ARHGEF11: variants seen among roughly 807,000 people sequenced by gnomAD.
The protein encoded by ARHGEF11 is Rho guanine nucleotide exchange factor 11.
Under a neutral mutation model 193.7 loss-of-function variants are expected in ARHGEF11, and 55 were observed. The ratio of observed to expected loss-of-function variants is 0.28; its 90% CI spans 0.23 to 0.36. ARHGEF11 has a LOEUF of 0.36. Among genes scored for constraint, ARHGEF11 ranks in the 10% least tolerant of loss-of-function variants. ARHGEF11 has a pLI of 1.00. For synonymous variants in ARHGEF11, 693 were observed against 768.0 expected (o/e 0.90, Z 1.62); for missense variants, 1,723 against 2,005.6 (o/e 0.86, Z 2.69).
At chr1:157,001,230 C>G (rs1308745759) in intron 1 of ARHGEF11, among the ~76,000 whole-genome samples, 5 of 152,152 alleles carry the variant, frequency 3.3e-5, no homozygotes, top group African/African-American at 1.2e-4. Flanking sequence ...AGACTTACAT[C>G]TTCTATTTTT....
At chr1:157,018,026 CA>C (rs1311975690) in intron 1 of ARHGEF11, among the ~76,000 whole-genome samples, 1 of 151,934 alleles carries the variant, frequency 6.6e-6, no homozygotes, top group Admixed American at 6.5e-5. Flanking sequence ...ATATAAAAAT[CA>C]AGTATGTTTA....
chr1:157,006,512 C>G (rs1481035258), intron 1 of ARHGEF11, among the ~76,000 whole-genome samples: 1 of 152,084 alleles, frequency 6.6e-6, no homozygotes, highest in African/African-American at 2.4e-5. Flanking sequence ...TGGGTAGAAT[C>G]TAGTTTCTCT....
chr1:157,028,576 T>C (rs939788916), intron 1 of ARHGEF11, among the ~76,000 whole-genome samples: 3 of 152,086 alleles, frequency 2.0e-5, no homozygotes, highest in Admixed American at 2.0e-4. Context: ...TTTGAATCGA[T>C]CTCAGAGATC....
At chr1:156,989,028 T>A (rs1178172716) in intron 1 of ARHGEF11, among the ~76,000 whole-genome samples, 1 of 152,108 alleles carries the variant, frequency 6.6e-6, no homozygotes, top group Non-Finnish European at 1.5e-5. Context: ...ATGGAGGCTG[T>A]CATAGATAGA....
Position 156,947,809 on chromosome 1 carries a change from C to T in ARHGEF11, c.2301G>A (p.Gly767=), listed in dbSNP as rs1658422309. 1.2e-6 allele frequency: 2 copies of T among 1,613,778 alleles called. No individual in the cohort carries two copies. The highest frequency in any genetic ancestry group is 1.7e-6 in the Non-Finnish European group (2 of 1,180,000). ...GCCGGTCAATCTCCCGCTGGGTTAG[C>T]CCAGCCACCACATCCTTGCCCACTG... ...QHTVGKDVVA[G]LTQREIDRQE... Residue 767 remains glycine, a synonymous_variant, in exon 25 of 41, where the codon GGG becomes GGA. Transcript: ENST00000368194.
At chr1:156,998,150 G>T (rs1360528508) in intron 1 of ARHGEF11, among the ~76,000 whole-genome samples, 2 of 152,164 alleles carry the variant, frequency 1.3e-5, no homozygotes, top group Non-Finnish European at 2.9e-5. Flanking sequence ...AGAGTAAAGA[G>T]GCACAACTGT....
intron 22 of ARHGEF11, chr1:156,949,208 C>T (rs1658701700): frequency 1.5e-6 from 1 of 671,442 alleles, no homozygotes; most frequent in African/African-American, 2.0e-5. Context: ...GGACCCGCTC[C>T]TTGGCCTGCC....
At chr1:157,028,233 T>C (rs1285458561) in intron 1 of ARHGEF11, among the ~76,000 whole-genome samples, 1 of 152,212 alleles carries the variant, frequency 6.6e-6, no homozygotes, top group Non-Finnish European at 1.5e-5. Flanking sequence ...ATCCAGGGGA[T>C]GGGGAGCTGG....
At position 157,044,432 on chromosome 1, in the gene ARHGEF11, C is replaced by A; in HGVS notation, c.-102G>T. ...TGAGCAAGGTGAGAGGAGGGCCTCC[C>A]AACTTGAAGATAGAATCCTTTCTCC... is the stretch of plus-strand genomic sequence containing the variant. On this transcript the variant is annotated 5_prime_UTR_variant, in exon 1 of 41. Coordinates refer to ENST00000368194, the MANE Select transcript of ARHGEF11 (RefSeq NM_198236.3). 1 of 1,070,766 alleles carries A rather than the reference C, an allele frequency of 9.3e-7. No homozygotes were observed. Among genetic ancestry groups the A allele is most frequent in the Non-Finnish European group, 1.4e-6 (1 of 689,714 alleles). 66.3% of individuals were successfully genotyped at this position (1,070,766 alleles called of 1,614,324 possible).
rs1050121606 is a variant in ARHGEF11 at position 156,969,353 on chromosome 1, G to T, written c.754C>A (p.Leu252Ile). The change falls in exon 10 of 41, where the codon CTC (leucine) becomes ATC (isoleucine). Residue 252 changes from leucine to isoleucine, a missense_variant. Coordinates refer to ENST00000368194, the MANE Select transcript of ARHGEF11 (RefSeq NM_198236.3). ...TCCCCCTCCTGGGAATCCAGAGAGA[G>T]CCGGCCTGAGAAGAAAATAGTTTCT... ...DTSQRPSEGR[L>I]SLDSQEGDSG... The T allele has an allele frequency of 6.2e-7, 1 of 1,606,696 alleles. No individual in the cohort carries two copies.
chr1:157,036,142 T>C (rs1672001039), intron 1 of ARHGEF11, among the ~76,000 whole-genome samples: 1 of 142,174 alleles, frequency 7.0e-6, no homozygotes, highest in Non-Finnish European at 1.5e-5. Flanking sequence ...TATATATGAA[T>C]ATATGAATAC....
In ARHGEF11 at chr1:156,941,876, G is replaced by T; in HGVS notation, c.3440C>A (p.Pro1147His). 6.2e-7 allele frequency: 1 copy of T among 1,610,660 alleles called. No individual in the cohort carries two copies. The highest frequency in any genetic ancestry group is 8.5e-7 in the Non-Finnish European group (1 of 1,178,358). Residue 1147 changes from proline (P) to histidine (H), a missense_variant, in exon 34 of 41, where the codon CCC becomes CAC. Pro to His is a moderately conservative substitution (Grantham distance 77). Around this residue, in one of 5 missense-constraint regions of ARHGEF11, gnomAD observed 203 missense variants for 237.3 expected, o/e 0.86. Transcript: ENST00000368194. ...CTAAGCACTGCACCTGCTGGGTGTGGGGCCCTGCTGGGCTGGCTCCCGGGG... is the reference window on the plus strand; with the variant it reads ...CTAAGCACTGCACCTGCTGGGTGTGTGGCCCTGCTGGGCTGGCTCCCGGGG... The part of the protein sequence containing the change: ...PGPREPAQQG[P>H]TPSRVELDDS...
chr1:157,032,072 A>G (rs1671375719), intron 1 of ARHGEF11, among the ~76,000 whole-genome samples: 1 of 152,222 alleles, frequency 6.6e-6, no homozygotes, highest in Non-Finnish European at 1.5e-5. Flanking sequence ...TCTCTTATGT[A>G]TGACTCTTCT....
rs372871677 is a variant in ARHGEF11, at chr1:156,960,351, A to G, written c.1282+67T>C. ...GGACTATGTCCCTTCTGTCCTCTGG[A>G]GCCTCCTGAGAGCTCAGGACAAGAA... On this transcript the variant is annotated intron_variant, in intron 15 of 40. Coordinates refer to ENST00000368194, the MANE Select transcript of ARHGEF11 (RefSeq NM_198236.3). 6 of 1,509,120 alleles carry G rather than the reference A, an allele frequency of 4.0e-6. No homozygotes were observed. The East Asian group carries it at 9.0e-5, about 23-fold the overall frequency. 93.5% of individuals were successfully genotyped at this position (1,509,120 alleles called of 1,614,324 possible).
At chr1:156,963,124 G>T in intron 13 of ARHGEF11, 79 bp downstream of exon 13, 1 of 1,116,024 alleles carries the variant, frequency 9.0e-7, no homozygotes, top group Non-Finnish European at 1.3e-6. Flanking sequence ...GTAACAGCCA[G>T]GGAGCAGAAA....
rs1019543138 is a variant in ARHGEF11 at position 156,955,745 on chromosome 1, T to C, written c.1726A>G (p.Ile576Val). 4.3e-6 allele frequency: 7 copies of C among 1,614,214 alleles called. No homozygotes were observed. Among genetic ancestry groups the C allele is most frequent in the Non-Finnish European group, 5.9e-6 (7 of 1,180,024 alleles). ...DALEDKKRNPILKYIGKPKSS... is the reference protein window; with the variant it reads ...DALEDKKRNPVLKYIGKPKSS... The stretch of plus-strand genomic sequence containing the variant: ...TTGGGCTTCCCAATGTATTTGAGGA[T>C]AGGGTTTCGCTTCTTGTCCTCCAAG... Residue 576 changes from isoleucine (I) to valine (V), a missense_variant, in exon 20 of 41, where the codon ATC (isoleucine) becomes GTC (valine). This residue lies in a region of ARHGEF11 where 491 missense variants were observed against 654.5 expected (regional missense o/e 0.75). Transcript: ENST00000368194.
chr1:156,943,065 C>CTTTTTTTT (rs112741222), intron 32 of ARHGEF11, among the ~76,000 whole-genome samples: 27,948 of 139,364 alleles, frequency 0.2, 3,348 homozygotes, highest in African/African-American at 0.31. Flanking sequence ...AGTTATAAAA[C>CTTTTTTTT]TTTTTTTTTT....
intron 22 of ARHGEF11, among the ~76,000 whole-genome samples, chr1:156,950,305 A>C (rs1415827988): frequency 6.6e-6 from 1 of 152,168 alleles, no homozygotes; most frequent in East Asian, 1.9e-4. Flanking sequence ...GCATTCAAGC[A>C]GGAAAGGTTG....
chr1:157,005,354 T>C (rs568852958), intron 1 of ARHGEF11, among the ~76,000 whole-genome samples: 9 of 152,300 alleles, frequency 5.9e-5, no homozygotes, highest in East Asian at 5.8e-4. Flanking sequence ...GAATCACCTC[T>C]AGGGACTTTC....
Sources: allele counts gnomAD v4.1 joint callset (sites outside exome capture counted in the v4.1 genomes callset), GRCh38; gene constraint gnomAD v4.1.1; regional missense constraint gnomAD v4.1.1; transcripts MANE v1.5; gene names NCBI Gene and HGNC (gene_info 2026-07-23, HGNC 2026-07-21).